CNTNAP2: variants seen among roughly 807,000 people sequenced by gnomAD.
CNTNAP2 encodes contactin-associated protein-like 2.
CNTNAP2 carries 98 observed loss-of-function variants against 155.2 expected under a neutral mutation model. The ratio of observed to expected loss-of-function variants is 0.63; its 90% confidence interval spans 0.54 to 0.75. CNTNAP2 has a LOEUF of 0.75. CNTNAP2 is among the 30% of genes least tolerant of loss of function. The pLI is 0.00. For missense variants in CNTNAP2, 1,727 were observed against 1,688.1 expected, an observed-to-expected ratio of 1.02 and a Z score of -0.40; for synonymous variants, 651 against 631.2, an observed-to-expected ratio of 1.03 and a Z score of -0.47.
chr7:148,137,914 C>G (rs1265886741), intron 16 of CNTNAP2, among the ~76,000 whole-genome samples: 3 of 152,204 alleles, frequency 2.0e-5, no homozygotes, highest in African/African-American at 7.2e-5. Context: ...GAGCCTATAG[C>G]ATGTAGTATA....
At chr7:148,163,571 G>A (rs992362560) in intron 17 of CNTNAP2, among the ~76,000 whole-genome samples, 6 of 152,000 alleles carry the variant, frequency 3.9e-5, no homozygotes, top group African/African-American at 1.5e-4. Context: ...CACATGTTCT[G>A]CATGTCCTTT....
chr7:147,522,661 C>T (rs938371155), intron 11 of CNTNAP2, among the ~76,000 whole-genome samples: 8 of 151,254 alleles, frequency 5.3e-5, no homozygotes, highest in African/African-American at 1.9e-4. Context: ...TTGCCATCTT[C>T]ACATTTTGGG....
intron 15 of CNTNAP2, among the ~76,000 whole-genome samples, chr7:148,077,630 C>CT (rs35440265): frequency 6.6e-6 from 1 of 152,072 alleles, no homozygotes; most frequent in Non-Finnish European, 1.5e-5. Flanking sequence ...GAAAATCTTT[C>CT]TTTTTTTCGG....
chr7:148,353,358 G>C, intron 21 of CNTNAP2, among the ~76,000 whole-genome samples: 1 of 152,174 alleles, frequency 6.6e-6, no homozygotes, highest in East Asian at 1.9e-4. Flanking sequence ...ATGGATTCTG[G>C]AATGATTCAT....
rs190827785 is a variant in CNTNAP2, at chr7:146,677,137, A to C, written c.98-97134A>C. Among the ~76,000 whole-genome samples, 31 of 152,286 alleles carry C rather than the reference A, an allele frequency of 2.0e-4. No individual in the cohort carries two copies. In the East Asian group the frequency reaches 5.2e-3, roughly 26 times the overall value. ...ATATGTATTAGGTATATAGTGGTTCAGTCTGAAAAGGTGAAGTGAGGGACT... is the reference window on the plus strand; with the variant it reads ...ATATGTATTAGGTATATAGTGGTTCCGTCTGAAAAGGTGAAGTGAGGGACT... On this transcript the variant is annotated intron_variant, in intron 1 of 23. Transcript: ENST00000361727.
At chr7:147,522,268 G>A (rs1166663834) in intron 11 of CNTNAP2, among the ~76,000 whole-genome samples, 5 of 152,146 alleles carry the variant, frequency 3.3e-5, no homozygotes, top group Non-Finnish European at 7.4e-5. Context: ...CGAATATTCT[G>A]ACCATAGCAT....
chr7:148,094,435 G>A (rs184406540), intron 15 of CNTNAP2, among the ~76,000 whole-genome samples: 1 of 152,276 alleles, frequency 6.6e-6, no homozygotes, highest in East Asian at 1.9e-4. Flanking sequence ...GCAGATGGGG[G>A]GCAAATCTGC....
intron 15 of CNTNAP2, among the ~76,000 whole-genome samples, chr7:148,011,254 T>G (rs1245633757): frequency 1.3e-5 from 2 of 151,694 alleles, no homozygotes; most frequent in Non-Finnish European, 2.9e-5. Context: ...TCCATTTATT[T>G]TTATCACTGT....
At chr7:146,336,786 A>G (rs1801284574) in intron 1 of CNTNAP2, among the ~76,000 whole-genome samples, 1 of 152,182 alleles carries the variant, frequency 6.6e-6, no homozygotes, top group South Asian at 2.1e-4. Context: ...GAAGAACAAC[A>G]AAAGTGTTGT....
chr7:147,030,454 A>C (rs1799007955), intron 3 of CNTNAP2, among the ~76,000 whole-genome samples: 1 of 152,034 alleles, frequency 6.6e-6, no homozygotes, highest in Non-Finnish European at 1.5e-5. Flanking sequence ...ATTTTTAGAC[A>C]CCCTCCTATG....
At chr7:146,953,946 C>T (rs1005506961) in intron 3 of CNTNAP2, among the ~76,000 whole-genome samples, 5 of 151,904 alleles carry the variant, frequency 3.3e-5, no homozygotes, top group Admixed American at 2.0e-4. Context: ...GGCAGTAGGG[C>T]ACACCTATAT....
chr7:148,087,621 C>T (rs1321178363), intron 15 of CNTNAP2, among the ~76,000 whole-genome samples: 1 of 152,074 alleles, frequency 6.6e-6, no homozygotes, highest in Non-Finnish European at 1.5e-5. Flanking sequence ...AGTACAGTCT[C>T]CAACATTCTT....
At chr7:146,789,379 C>G (rs370012279) in intron 2 of CNTNAP2, among the ~76,000 whole-genome samples, 1 of 152,022 alleles carries the variant, frequency 6.6e-6, no homozygotes, top group Non-Finnish European at 1.5e-5. Context: ...TTCTGAGAAG[C>G]GTATATTGAG....
chr7:147,322,727 C>T (rs1030143226), intron 9 of CNTNAP2, among the ~76,000 whole-genome samples: 1 of 142,786 alleles, frequency 7.0e-6, no homozygotes, highest in African/African-American at 2.7e-5. Flanking sequence ...GGTTGGTAAA[C>T]TATTGATTAT....
intron 3 of CNTNAP2, among the ~76,000 whole-genome samples, chr7:146,858,674 AAC>A (rs1340001948): frequency 6.6e-6 from 1 of 152,236 alleles, no homozygotes; most frequent in Admixed American, 6.5e-5. Context: ...AGCCTGGGGC[AAC>A]AGAGTGAGAT....
At chr7:147,227,578 G>C (rs141592766) in intron 8 of CNTNAP2, among the ~76,000 whole-genome samples, 2 of 152,164 alleles carry the variant, frequency 1.3e-5, no homozygotes, top group Non-Finnish European at 2.9e-5. Flanking sequence ...ACAGATGGAC[G>C]AAAGGGAACA....
At position 146,839,699 on chromosome 7, in the gene CNTNAP2, G is replaced by C. The variant is rs373492025; in HGVS notation, c.209-12G>C. 3.6e-5 allele frequency: 58 copies of C among 1,613,814 alleles called. No homozygotes were observed. Among genetic ancestry groups the C allele is most frequent in the Non-Finnish European group, 4.7e-5 (56 of 1,179,864 alleles). ...ATATTCATTTTCCCATCTTACCTCTGCCCATCTTCAGGTGCTGGGGGATGG... is the reference window on the plus strand; with the variant it reads ...ATATTCATTTTCCCATCTTACCTCTCCCCATCTTCAGGTGCTGGGGGATGG... On this transcript the variant is annotated splice_polypyrimidine_tract_variant and intron_variant, in intron 2 of 23. Transcript: ENST00000361727.
intron 1 of CNTNAP2, among the ~76,000 whole-genome samples, chr7:146,666,682 A>G (rs1184552451): frequency 6.6e-6 from 1 of 152,186 alleles, no homozygotes; most frequent in Non-Finnish European, 1.5e-5. Context: ...CTTTTTGATA[A>G]TAGCCATCCT....
intron 12 of CNTNAP2, among the ~76,000 whole-genome samples, chr7:147,611,216 C>T (rs12539891): frequency 0.68 from 103,998 of 151,934 alleles, 36,023 homozygotes; most frequent in African/African-American, 0.78. Flanking sequence ...ATTTACTTAG[C>T]CTCCAAGTTT....
Sources: allele counts gnomAD v4.1 joint callset (sites outside exome capture counted in the v4.1 genomes callset), GRCh38; gene constraint gnomAD v4.1.1; transcripts MANE v1.5; gene names NCBI Gene and HGNC (gene_info 2026-07-23, HGNC 2026-07-21).